Variants in CHRNA7 observed in about 807,000 individuals in gnomAD.
CHRNA7 encodes the protein neuronal acetylcholine receptor subunit alpha-7.
CHRNA7 carries 17 observed loss-of-function variants against 48.0 expected under a neutral mutation model. The ratio of observed to expected loss-of-function variants is 0.35; its 90% CI spans 0.24 to 0.53. The LOEUF is 0.53. Among genes scored for constraint, CHRNA7 ranks in the 20% least tolerant of loss-of-function variants. The pLI, the probability that CHRNA7 is intolerant of heterozygous loss-of-function variation, is 0.92. For missense variants in CHRNA7, 155 were observed against 577.7 expected, an observed-to-expected ratio of 0.27 and a Z score of 7.50; for synonymous variants, 75 against 242.3, an observed-to-expected ratio of 0.31 and a Z score of 6.41.
intron 4 of CHRNA7, among the ~76,000 whole-genome samples, chr15:32,123,520 G>A (rs865930895): frequency 6.6e-6 from 1 of 152,168 alleles, no homozygotes; most frequent in South Asian, 2.1e-4. Context: ...AGACATTTGA[G>A]ATTAAACAGA....
intron 4 of CHRNA7, among the ~76,000 whole-genome samples, chr15:32,152,774 A>T (rs972386209): frequency 1.3e-5 from 2 of 152,138 alleles, no homozygotes; most frequent in African/African-American, 2.4e-5. Context: ...TTTGTGTTTG[A>T]AAGGCCAGAG....
chr15:32,075,056 C>T (rs186713829), intron 2 of CHRNA7, among the ~76,000 whole-genome samples: 5 of 152,226 alleles, frequency 3.3e-5, no homozygotes, highest in Non-Finnish European at 5.9e-5. Flanking sequence ...AGCCTTAAAT[C>T]CCTGGAATAA....
intron 2 of CHRNA7, among the ~76,000 whole-genome samples, chr15:32,061,675 G>A (rs1183198284): frequency 6.6e-6 from 1 of 152,140 alleles, no homozygotes; most frequent in East Asian, 1.9e-4. Context: ...GGGCGTGGTG[G>A]CAGGTGCCTG....
intron 2 of CHRNA7, among the ~76,000 whole-genome samples, chr15:32,068,598 C>T (rs925367405): frequency 2.0e-5 from 3 of 152,012 alleles, no homozygotes; most frequent in Non-Finnish European, 4.4e-5. Context: ...TGGTGGGCGC[C>T]TGTAATCCCA....
intron 4 of CHRNA7, among the ~76,000 whole-genome samples, chr15:32,140,833 A>C (rs979207805): frequency 6.6e-6 from 1 of 152,144 alleles, no homozygotes; most frequent in African/African-American, 2.4e-5. Flanking sequence ...CCTTTGTCAG[A>C]TGGGTAGATT....
intron 4 of CHRNA7, among the ~76,000 whole-genome samples, chr15:32,147,343 C>T (rs976026997): frequency 2.0e-5 from 3 of 152,168 alleles, no homozygotes; most frequent in Admixed American, 6.5e-5. Flanking sequence ...ACTTCTGCAT[C>T]GCATGCGATA....
intron 2 of CHRNA7, among the ~76,000 whole-genome samples, chr15:32,087,063 A>G (rs928913276): frequency 6.6e-6 from 1 of 152,186 alleles, no homozygotes; most frequent in Admixed American, 6.5e-5. Context: ...GGGAGTGGAA[A>G]GTAGTGTTTC....
intron 9 of CHRNA7, chr15:32,165,568 A>G (rs2052058839): frequency 6.6e-6 from 1 of 152,060 alleles, no homozygotes; most frequent in Non-Finnish European, 1.5e-5. Flanking sequence ...ATTAAAACCA[A>G]TTGGCTGCAA....
intron 2 of CHRNA7, among the ~76,000 whole-genome samples, chr15:32,089,505 G>A (rs74549739): frequency 0.02 from 2,977 of 152,036 alleles, 39 homozygotes; most frequent in Middle Eastern, 0.054. Flanking sequence ...ATTGCATACA[G>A]GCATTCTTTA....
chr15:32,066,840 A>G (rs1223756884), intron 2 of CHRNA7, among the ~76,000 whole-genome samples: 1 of 152,208 alleles, frequency 6.6e-6, no homozygotes, highest in African/African-American at 2.4e-5. Context: ...GCCAGTAAAG[A>G]TGCATAGACA....
intron 2 of CHRNA7, among the ~76,000 whole-genome samples, chr15:32,064,245 G>A (rs554289065): frequency 7.3e-5 from 11 of 151,474 alleles, no homozygotes; most frequent in East Asian, 3.9e-4. Flanking sequence ...CTTCCTCCCC[G>A]TGCCCCTTTC....
chr15:32,102,052 G>A (rs2050582035), intron 3 of CHRNA7: 1 of 152,056 alleles, frequency 6.6e-6, no homozygotes, highest in Non-Finnish European at 1.5e-5. Flanking sequence ...CTTTGCACAT[G>A]CATTTCTATT....
chr15:32,142,332 T>C (rs558017130), intron 4 of CHRNA7, among the ~76,000 whole-genome samples: 15 of 152,342 alleles, frequency 9.8e-5, no homozygotes, highest in African/African-American at 3.1e-4. Context: ...CAGTATTTTA[T>C]TGAGGATTTT....
chr15:32,122,903 A>AAAAT (rs397732715), intron 4 of CHRNA7, among the ~76,000 whole-genome samples: 1 of 151,740 alleles, frequency 6.6e-6, no homozygotes, highest in Non-Finnish European at 1.5e-5. Context: ...AAAAAAAAAA[A>AAAAT]TCACAATAGC....
chr15:32,101,115 A>T, intron 2 of CHRNA7, 188 bp from the exon 3 acceptor site: 1 of 569,594 alleles, frequency 1.8e-6, no homozygotes, highest in South Asian at 2.7e-5. Context: ...AATGTGTCTT[A>T]CTTTGGAATA....
intron 2 of CHRNA7, among the ~76,000 whole-genome samples, chr15:32,087,964 T>C (rs1458515556): frequency 1.3e-5 from 2 of 152,232 alleles, no homozygotes; most frequent in Admixed American, 6.5e-5. Context: ...TGTTTTGTAT[T>C]TTGCATTCAT....
chr15:32,102,334 C>T (rs887536524), intron 3 of CHRNA7: 5 of 152,090 alleles, frequency 3.3e-5, no homozygotes, highest in African/African-American at 1.2e-4. Context: ...TTAGTAGAGA[C>T]AGGGTTTCTT....
intron 2 of CHRNA7, among the ~76,000 whole-genome samples, chr15:32,075,091 A>T (rs559931428): frequency 3.3e-4 from 51 of 152,244 alleles, no homozygotes; most frequent in African/African-American, 1.1e-3. Context: ...ATGGAACATA[A>T]TTTTTTTGTA....
intron 4 of CHRNA7, among the ~76,000 whole-genome samples, chr15:32,144,435 G>C (rs1398376206): frequency 6.6e-6 from 1 of 152,154 alleles, no homozygotes; most frequent in Admixed American, 6.6e-5. Context: ...GGTGTTCTCT[G>C]TATTTCCTGA....
Sources: gnomAD v4.1 joint callset for allele counts (sites outside exome capture counted in the v4.1 genomes callset) on GRCh38, gnomAD v4.1.1 for gene constraint, MANE v1.5 for transcripts, NCBI Gene and HGNC (gene_info 2026-07-23, HGNC 2026-07-21) for gene names.